Variants in LIX1 observed in about 807,000 individuals in gnomAD.
LIX1 encodes the protein limb and CNS expressed 1.
A neutral mutation model predicts 33.4 loss-of-function variants in LIX1; 24 were observed. The ratio of observed to expected loss-of-function variants is 0.72; its 90% confidence interval spans 0.52 to 1.01. LIX1 has a LOEUF of 1.01. LIX1 is among the 50% of genes least tolerant of loss of function. The pLI is 0.00. For synonymous variants in LIX1, 124 were observed against 124.0 expected (o/e 1.00, Z 0.00); for missense variants, 311 against 339.2 (o/e 0.92, Z 0.65).
At chr5:97,098,022 C>T (rs1746483127) in intron 4 of LIX1, among the ~76,000 whole-genome samples, 1 of 152,238 alleles carries the variant, frequency 6.6e-6, no homozygotes, top group African/African-American at 2.4e-5. Context: ...TTCCTCTGCT[C>T]AGCTCATCGG....
chr5:97,113,766 C>G (rs1036019097), intron 2 of LIX1, among the ~76,000 whole-genome samples: 1 of 152,204 alleles, frequency 6.6e-6, no homozygotes, highest in Admixed American at 6.5e-5. Context: ...ACATAGCACT[C>G]TCTAAATCAG....
chr5:97,119,118 T>G (rs1422315595), intron 2 of LIX1, among the ~76,000 whole-genome samples: 1 of 152,194 alleles, frequency 6.6e-6, no homozygotes, highest in African/African-American at 2.4e-5. Context: ...ACCAGAGGGA[T>G]TAGTCCCACA....
At chr5:97,113,860 A>C (rs1747543277) in intron 2 of LIX1, among the ~76,000 whole-genome samples, 1 of 152,244 alleles carries the variant, frequency 6.6e-6, no homozygotes, top group Non-Finnish European at 1.5e-5. Context: ...CTCCCATGAC[A>C]AACTTGACTT....
At chr5:97,108,115 G>A (rs980646485) in intron 2 of LIX1, among the ~76,000 whole-genome samples, 1 of 152,242 alleles carries the variant, frequency 6.6e-6, no homozygotes, top group Non-Finnish European at 1.5e-5. Context: ...TAGCACTTAT[G>A]AGAACAGGCC....
chr5:97,129,441 C>T (rs1177064211), intron 1 of LIX1, among the ~76,000 whole-genome samples: 2 of 152,048 alleles, frequency 1.3e-5, no homozygotes, highest in Non-Finnish European at 2.9e-5. Flanking sequence ...AGATGCCTTG[C>T]TGTAGGAAGA....
intron 1 of LIX1, among the ~76,000 whole-genome samples, chr5:97,135,111 T>C (rs547180162): frequency 1.3e-5 from 2 of 152,336 alleles, no homozygotes; most frequent in South Asian, 2.1e-4. Flanking sequence ...TTTTACAAAG[T>C]TAACCTCTCA....
chr5:97,094,618 T>A lies in LIX1; in HGVS notation c.*130A>T, dbSNP rs1364512963. On this transcript the variant is annotated 3_prime_UTR_variant, in exon 6 of 6. Transcript: ENST00000274382. The stretch of plus-strand genomic sequence containing the variant: ...CGACTCTCATACTCTGTAAATGGAA[T>A]GTGTGGAGAGGGTTAGGAGAGCCTT... 2.6e-6 allele frequency: 2 copies of A among 771,362 alleles called. No homozygotes were observed. Among genetic ancestry groups the A allele is most frequent in the African/African-American group, 3.5e-5 (2 of 57,030 alleles). 47.8% of individuals were successfully genotyped at this position (771,362 alleles called of 1,614,324 possible). A position where few individuals can be genotyped will look rare whatever the true frequency, so the allele number is the denominator to read the frequency against.
At chr5:97,116,319 G>A (rs927286302) in intron 2 of LIX1, among the ~76,000 whole-genome samples, 13 of 152,086 alleles carry the variant, frequency 8.5e-5, no homozygotes, top group African/African-American at 2.9e-4. Context: ...AAGGGCAACC[G>A]TTGGAACTCA....
rs1191859108 is a variant in LIX1 at position 97,107,356 on chromosome 5, T to TC, written c.387+3dup. On this transcript the variant is annotated splice_donor_region_variant and intron_variant, in intron 3 of 5. Coordinates refer to ENST00000274382, the MANE Select transcript of LIX1 (RefSeq NM_153234.5). The stretch of plus-strand genomic sequence containing the variant: ...ATCTCCTGCCCTCCATGGTGGGTAC[T>TC]CACGCTGGTGGAGGCTACTGCTTCC... The TC allele has an allele frequency of 1.2e-6, 2 of 1,611,856 alleles. No individual in the cohort carries two copies. The highest frequency in any genetic ancestry group is 2.7e-5 in the African/African-American group (2 of 74,868).
chr5:97,115,835 C>T (rs1415953062), intron 2 of LIX1, among the ~76,000 whole-genome samples: 1 of 151,738 alleles, frequency 6.6e-6, no homozygotes, highest in African/African-American at 2.4e-5. Flanking sequence ...GCTGAAGATG[C>T]CATCTTCTCT....
At chr5:97,125,871 G>T (rs1747905261) in intron 1 of LIX1, among the ~76,000 whole-genome samples, 1 of 152,166 alleles carries the variant, frequency 6.6e-6, no homozygotes, top group Non-Finnish European at 1.5e-5. Flanking sequence ...TTTTCAGTGG[G>T]GTTTCTGGAG....
At chr5:97,139,216 C>T (rs1405420461) in intron 1 of LIX1, among the ~76,000 whole-genome samples, 1 of 152,134 alleles carries the variant, frequency 6.6e-6, no homozygotes, top group Non-Finnish European at 1.5e-5. Context: ...AACAATTGTA[C>T]CTACATTACT....
At chr5:97,118,715 ATTATT>A (rs1322224066) in intron 2 of LIX1, among the ~76,000 whole-genome samples, 3 of 152,308 alleles carry the variant, frequency 2.0e-5, no homozygotes, top group Admixed American at 6.5e-5. Context: ...TAATCAGTAG[ATTATT>A]TTATTTATTT....
At chr5:97,106,829 C>A (rs919088587) in intron 3 of LIX1, among the ~76,000 whole-genome samples, 5 of 152,218 alleles carry the variant, frequency 3.3e-5, no homozygotes, top group African/African-American at 1.2e-4. Flanking sequence ...TGATATTAAC[C>A]ATGGTAATTC....
intron 5 of LIX1, among the ~76,000 whole-genome samples, chr5:97,096,068 G>A (rs1018403181): frequency 6.6e-6 from 1 of 152,144 alleles, no homozygotes; most frequent in Non-Finnish European, 1.5e-5. Context: ...GACTCCCAGA[G>A]GCTTTCTTCC....
intron 2 of LIX1, among the ~76,000 whole-genome samples, chr5:97,113,244 T>A (rs1423285467): frequency 6.6e-6 from 1 of 152,206 alleles, no homozygotes; most frequent in African/African-American, 2.4e-5. Flanking sequence ...CACCTCCAGC[T>A]GACAGATTAC....
chr5:97,104,062 A>G, intron 4 of LIX1, among the ~76,000 whole-genome samples: 1 of 152,192 alleles, frequency 6.6e-6, no homozygotes, highest in African/African-American at 2.4e-5. Flanking sequence ...ATAAAATAAT[A>G]TTTATTTTTT....
At position 97,124,450 on chromosome 5, in the gene LIX1, A is replaced by T. The variant is rs371898410; in HGVS notation, c.246+16T>A. ...CCCAATGAACTTTCACTGACAAATT[A>T]ATGGCTACTTCTTACCTGAAAGTTG... On this transcript the variant is annotated intron_variant, in intron 2 of 5. Coordinates refer to ENST00000274382, the MANE Select transcript of LIX1 (RefSeq NM_153234.5). The T allele has an allele frequency of 6.7e-4, 1,062 of 1,573,616 alleles. 15 individuals carry two copies. In the South Asian group the frequency reaches 7.3e-3, roughly 11 times the overall value.
At chr5:97,138,450 G>A (rs1245173576) in intron 1 of LIX1, among the ~76,000 whole-genome samples, 1 of 152,128 alleles carries the variant, frequency 6.6e-6, no homozygotes, top group Non-Finnish European at 1.5e-5. Context: ...TAGGTATTCG[G>A]ATGTGTACCT....
Sources: allele counts gnomAD v4.1 joint callset (sites outside exome capture counted in the v4.1 genomes callset), GRCh38; gene constraint gnomAD v4.1.1; transcripts MANE v1.5; gene names NCBI Gene and HGNC (gene_info 2026-07-23, HGNC 2026-07-21).